The following KIAA1549L variants were observed in gnomAD, a reference collection of about 807,000 sequenced individuals.
KIAA1549L encodes KIAA1549 like.
Under a neutral mutation model 160.7 loss-of-function variants are expected in KIAA1549L, and 88 were observed. The observed-to-expected ratio is 0.55, with a 90% confidence interval of 0.46 to 0.65. The LOEUF (loss-of-function observed/expected upper bound fraction) is 0.65, where lower values mean the gene tolerates loss of function less well. KIAA1549L is among the 30% of genes least tolerant of loss of function. The pLI is 0.00. For synonymous variants in KIAA1549L, 950 were observed against 976.7 expected (o/e 0.97, Z 0.51); for missense variants, 2,258 against 2,437.5 (o/e 0.93, Z 1.55).
rs11032313 is a variant in KIAA1549L at position 33,599,157 on chromosome 11, C to T, written c.4879+210C>T. 2,256 of 431,754 alleles carry T rather than the reference C, an allele frequency of 5.2e-3. 25 individuals are homozygous for T. The highest frequency in any genetic ancestry group is 0.03 in the African/African-American group (1,494 of 49,868). The allele number at this position is 431,754 out of a possible 1,614,324, so 26.7% of individuals were successfully genotyped here. A position where few individuals can be genotyped will look rare whatever the true frequency, so the allele number is the denominator to read the frequency against. On this transcript the variant is annotated intron_variant, in intron 13 of 20. Coordinates refer to ENST00000658780, the MANE Select transcript of KIAA1549L (RefSeq NM_012194.3). ...TGTCTGAATTGTCCTGTCTCACTTC[C>T]TCCGCCCCTGTTCTTATGAAATGGT...
chr11:33,424,189 A>G (rs1350314205), intron 1 of KIAA1549L, among the ~76,000 whole-genome samples: 1 of 152,188 alleles, frequency 6.6e-6, no homozygotes, highest in African/African-American at 2.4e-5. Context: ...GGTCATGGCA[A>G]CGTTTTTTTG....
chr11:33,444,995 A>G (rs1239955339), intron 1 of KIAA1549L, among the ~76,000 whole-genome samples: 1 of 152,194 alleles, frequency 6.6e-6, no homozygotes, highest in African/African-American at 2.4e-5. Context: ...CAGTAAATGG[A>G]GGAAGAATGA....
intron 1 of KIAA1549L, among the ~76,000 whole-genome samples, chr11:33,528,977 T>C (rs558825594): frequency 1.3e-5 from 2 of 152,300 alleles, no homozygotes; most frequent in African/African-American, 4.8e-5. Context: ...AAATGTTTTT[T>C]AAAAATTTAA....
chr11:33,392,420 A>G (rs572430455), intron 1 of KIAA1549L, among the ~76,000 whole-genome samples: 1 of 152,300 alleles, frequency 6.6e-6, no homozygotes, highest in Admixed American at 6.5e-5. Context: ...ACTTTCGCAT[A>G]CATGTCATTG....
In KIAA1549L at chr11:33,542,554, A is replaced by C. The variant is rs761592361; in HGVS notation, c.991A>C (p.Thr331Pro). Reference sequence around the variant, plus strand: ...AAAATGGCATTCCGAGCTGTCCCCAACAGAGGGTCCCCATTCAGCAGGTTC... The same window carrying C: ...AAAATGGCATTCCGAGCTGTCCCCACCAGAGGGTCCCCATTCAGCAGGTTC... ...STKWHSELSP[T>P]EGPHSAGSST... Residue 331 changes from threonine to proline, a missense_variant, in exon 2 of 21, where the codon ACA (threonine) becomes CCA (proline). Physicochemically the swap from Thr to Pro is conservative, Grantham distance 38. Transcript: ENST00000658780. 1.2e-6 allele frequency: 2 copies of C among 1,613,870 alleles called. No homozygotes were observed. The highest frequency in any genetic ancestry group is 2.2e-5 in the South Asian group (2 of 91,070).
intron 10 of KIAA1549L, among the ~76,000 whole-genome samples, chr11:33,582,189 T>C (rs1855667804): frequency 6.6e-6 from 1 of 152,178 alleles, no homozygotes; most frequent in African/African-American, 2.4e-5. Context: ...TAATCACCGA[T>C]TGATAAAAAC....
chr11:33,404,363 A>T (rs898843408), intron 1 of KIAA1549L, among the ~76,000 whole-genome samples: 1 of 152,106 alleles, frequency 6.6e-6, no homozygotes, highest in African/African-American at 2.4e-5. Context: ...CATCTCTACT[A>T]AAGATACAAA....
chr11:33,390,299 C>T (rs576827465), intron 1 of KIAA1549L, among the ~76,000 whole-genome samples: 1 of 152,198 alleles, frequency 6.6e-6, no homozygotes, highest in Non-Finnish European at 1.5e-5. Flanking sequence ...CTGTGCATCT[C>T]CTGGGCCCAG....
chr11:33,407,372 C>A (rs755988128), intron 1 of KIAA1549L, among the ~76,000 whole-genome samples: 1 of 152,008 alleles, frequency 6.6e-6, no homozygotes, highest in Non-Finnish European at 1.5e-5. Context: ...GAGACAGTCT[C>A]ACTCTGTCGC....
chr11:33,642,869 A>G (rs967053110), intron 16 of KIAA1549L, among the ~76,000 whole-genome samples: 5 of 152,248 alleles, frequency 3.3e-5, no homozygotes, highest in African/African-American at 1.2e-4. Context: ...GGAAGTGGAC[A>G]GAATTTATTT....
At position 33,672,365 on chromosome 11, in the gene KIAA1549L, A is replaced by G. The variant is rs1590479739; in HGVS notation, c.*4211A>G. On this transcript the variant is annotated 3_prime_UTR_variant, in exon 21 of 21. Coordinates refer to ENST00000658780, the MANE Select transcript of KIAA1549L (RefSeq NM_012194.3). ...TGATGCCTAAGGCAAATTTTTGAGG[A>G]TCTGATTGGTTTAGTTCATCTGCCT... is the stretch of plus-strand genomic sequence containing the variant. 1 of 152,226 alleles carries G rather than the reference A, an allele frequency of 6.6e-6. No homozygotes were observed. Among genetic ancestry groups the G allele is most frequent in the East Asian group, 1.9e-4 (1 of 5,194 alleles). The allele number at this position is 152,226 out of a possible 1,614,324, so 9.4% of individuals were successfully genotyped here.
intron 1 of KIAA1549L, among the ~76,000 whole-genome samples, chr11:33,531,532 C>T (rs573469953): frequency 3.2e-4 from 49 of 152,184 alleles, no homozygotes; most frequent in African/African-American, 1.1e-3. Flanking sequence ...ATTTTTAAAC[C>T]TGATTCCACA....
At chr11:33,382,527 G>T (rs1235302031) in intron 1 of KIAA1549L, among the ~76,000 whole-genome samples, 1 of 152,056 alleles carries the variant, frequency 6.6e-6, no homozygotes, top group Non-Finnish European at 1.5e-5. Flanking sequence ...CATGGGGGAG[G>T]TGGGCCAAGG....
chr11:33,424,626 G>T (rs915740736), intron 1 of KIAA1549L, among the ~76,000 whole-genome samples: 1 of 152,164 alleles, frequency 6.6e-6, no homozygotes, highest in African/African-American at 2.4e-5. Flanking sequence ...CTTATGTTAA[G>T]AAATAAATTT....
chr11:33,504,456 C>CT (rs376333801), intron 1 of KIAA1549L, among the ~76,000 whole-genome samples: 1 of 151,822 alleles, frequency 6.6e-6, no homozygotes, highest in African/African-American at 2.4e-5. Flanking sequence ...CTTCCCTTCC[C>CT]TTCCCTTTCC....
rs1852725699 is a variant in KIAA1549L, at chr11:33,673,872, A to C, written c.*5718A>C. ...ATTTGGAGGATATGTAAGTACTTGT[A>C]CATGTGCTTTAACTCTGGGTGAAAA... is the stretch of plus-strand genomic sequence containing the variant. On this transcript the variant is annotated 3_prime_UTR_variant, in exon 21 of 21. Transcript: ENST00000658780. 1 of 152,220 alleles carries C rather than the reference A, an allele frequency of 6.6e-6. No homozygotes were observed. The allele number at this position is 152,220 out of a possible 1,614,324, so 9.4% of individuals were successfully genotyped here.
chr11:33,408,489 G>GTATA lies in KIAA1549L; in HGVS notation c.238+31619_238+31622dup, dbSNP rs138063173. 2.1e-3 allele frequency among the ~76,000 whole-genome samples: 255 copies of GTATA among 123,052 alleles called. 1 individual carries two copies. The highest frequency in any genetic ancestry group is 6.6e-3 in the African/African-American group (206 of 31,004). The allele number at this position is 123,052 out of a possible 152,430, so 80.7% of individuals were successfully genotyped here. On this transcript the variant is annotated intron_variant, in intron 1 of 20. Coordinates refer to ENST00000658780, the MANE Select transcript of KIAA1549L (RefSeq NM_012194.3). ...ATATATATACATACTCTGTATATGT[G>GTATA]TATATATATATATATATATATACAC...
intron 8 of KIAA1549L, among the ~76,000 whole-genome samples, chr11:33,565,696 C>G (rs973194561): frequency 6.7e-6 from 1 of 148,378 alleles, no homozygotes; most frequent in Admixed American, 6.7e-5. Context: ...TCTGGCACTT[C>G]CGTGGAGGCT....
chr11:33,631,953 A>T (rs1851302037), intron 16 of KIAA1549L, among the ~76,000 whole-genome samples: 1 of 152,208 alleles, frequency 6.6e-6, no homozygotes, highest in Admixed American at 6.5e-5. Context: ...TCCTGAGCTG[A>T]GACTTGAAAA....
Sources: allele counts gnomAD v4.1 joint callset (sites outside exome capture counted in the v4.1 genomes callset), GRCh38; gene constraint gnomAD v4.1.1; transcripts MANE v1.5; gene names NCBI Gene and HGNC (gene_info 2026-07-23, HGNC 2026-07-21).